Variants in DISC1 observed in about 807,000 individuals in gnomAD.
DISC1 encodes the protein disrupted in schizophrenia 1 protein.
A neutral mutation model predicts 84.5 loss-of-function variants in DISC1; 57 were observed. The observed-to-expected ratio is 0.67, with a 90% CI of 0.55 to 0.84. The LOEUF (loss-of-function observed/expected upper bound fraction) is 0.84, where lower values mean the gene tolerates loss of function less well. Among genes scored for constraint, DISC1 ranks in the 40% least tolerant of loss-of-function variants. DISC1 has a pLI of 0.00. For synonymous variants in DISC1, 411 were observed against 415.2 expected (o/e 0.99, Z 0.12); for missense variants, 1,000 against 1,057.8 (o/e 0.95, Z 0.76).
At chr1:231,886,766 C>CCTTTCTTTCTTTCTTTCTTTCTTT (rs3084378) in intron 9 of DISC1, among the ~76,000 whole-genome samples, 1 of 84,380 alleles carries the variant, frequency 1.2e-5, no homozygotes, top group Non-Finnish European at 2.4e-5. Flanking sequence ...TTCCTTCCTT[C>CCTTTCTTTCTTTCTTTCTTTCTTT]CTTTCTTTCT....
At chr1:231,950,204 C>CTG (rs59801477) in intron 9 of DISC1, among the ~76,000 whole-genome samples, 13,754 of 139,382 alleles carry the variant, frequency 0.099, 659 homozygotes, top group African/African-American at 0.12. Context: ...AAAAAAAATT[C>CTG]TGTGTGTGTG....
chr1:231,823,292 G>A lies in DISC1; in HGVS notation c.1981+4775G>A, dbSNP rs990247047. Among the ~76,000 whole-genome samples the A allele has an allele frequency of 1.3e-5, 2 of 152,116 alleles. 1 individual carries two copies. The highest frequency in any genetic ancestry group is 2.9e-5 in the Non-Finnish European group (2 of 68,032). On this transcript the variant is annotated intron_variant, in intron 9 of 12. Transcript: ENST00000439617. ...ATCTATGGGTCTCTTTTATTGGCAG[G>A]GAGAGGGAGGAAATGGAGAGCCGGG...
intron 10 of DISC1, among the ~76,000 whole-genome samples, chr1:231,994,493 A>G (rs1665636014): frequency 6.6e-6 from 1 of 152,254 alleles, no homozygotes; most frequent in East Asian, 1.9e-4. Flanking sequence ...GAGGATATAG[A>G]TACCAGCTCT....
chr1:231,796,747 G>T (rs1202381074), intron 7 of DISC1, among the ~76,000 whole-genome samples: 5 of 152,088 alleles, frequency 3.3e-5, no homozygotes, highest in Non-Finnish European at 7.4e-5. Context: ...TCACCCAAAG[G>T]TTCTTTCACC....
At chr1:231,728,086 T>C (rs201263216) in intron 3 of DISC1, among the ~76,000 whole-genome samples, 4 of 152,172 alleles carry the variant, frequency 2.6e-5, no homozygotes, top group Non-Finnish European at 5.9e-5. Flanking sequence ...AACTTGATTT[T>C]TTTTTCGTAT....
intron 1 of DISC1, among the ~76,000 whole-genome samples, chr1:231,670,997 G>T (rs889884794): frequency 6.6e-6 from 1 of 152,128 alleles, no homozygotes; most frequent in South Asian, 2.1e-4. Context: ...CATCCAAACT[G>T]TATAGGGAGT....
chr1:231,826,494 T>A lies in DISC1; in HGVS notation c.1981+7977T>A, dbSNP rs16855131. Among the ~76,000 whole-genome samples the A allele has an allele frequency of 6.6e-6, 1 of 152,194 alleles. No individual in the cohort carries two copies. The highest frequency in any genetic ancestry group is 1.5e-5 in the Non-Finnish European group (1 of 68,038). ...TCCCTATATTTTGTGCCTGAGATGA[T>A]GATCCACTATCTGCCATGTTGCTAT... is the stretch of plus-strand genomic sequence containing the variant. On this transcript the variant is annotated intron_variant, in intron 9 of 12. Coordinates refer to ENST00000439617, the MANE Select transcript of DISC1 (RefSeq NM_018662.3). This position sits in a 1 kb window ranked among gnomAD's most constrained non-coding sequence, Gnocchi z 4.2.
At chr1:231,725,591 C>T (rs931517425) in intron 3 of DISC1, among the ~76,000 whole-genome samples, 2 of 152,216 alleles carry the variant, frequency 1.3e-5, no homozygotes, top group African/African-American at 4.8e-5. Context: ...GCATTGCTGC[C>T]TATGAGTTAG....
chr1:231,807,130 G>C (rs951010733), intron 8 of DISC1, among the ~76,000 whole-genome samples: 3 of 152,240 alleles, frequency 2.0e-5, no homozygotes, highest in Admixed American at 6.5e-5. Context: ...CATCCTTCCT[G>C]TGTGTTGGAC....
intron 10 of DISC1, among the ~76,000 whole-genome samples, chr1:231,969,379 G>C (rs974270541): frequency 6.6e-6 from 1 of 151,830 alleles, no homozygotes; most frequent in African/African-American, 2.4e-5. Context: ...TCTCAGAATG[G>C]ATCTGGCTTG....
At position 231,861,969 on chromosome 1, in the gene DISC1, G is replaced by A. The variant is rs561149529; in HGVS notation, c.1981+43452G>A. On this transcript the variant is annotated intron_variant, in intron 9 of 12. Coordinates refer to ENST00000439617, the MANE Select transcript of DISC1 (RefSeq NM_018662.3). ...GGAAAAAAAAGTCCTGATTGGCAAC[G>A]TCTGGCCATTTCCATAGTGTAAATC... Among the ~76,000 whole-genome samples the A allele has an allele frequency of 5.3e-5, 8 of 152,236 alleles. No homozygotes were observed. In the South Asian group the frequency reaches 1.0e-3, roughly 20 times the overall value.
intron 9 of DISC1, among the ~76,000 whole-genome samples, chr1:231,908,289 T>A (rs1410660857): frequency 6.6e-6 from 1 of 152,334 alleles, no homozygotes; most frequent in Non-Finnish European, 1.5e-5. Flanking sequence ...GGTTTTCTTC[T>A]AGGGTTTTTA....
chr1:231,916,895 C>A (rs2126069076), intron 9 of DISC1, among the ~76,000 whole-genome samples: 1 of 152,264 alleles, frequency 6.6e-6, no homozygotes, highest in Middle Eastern at 3.4e-3. Flanking sequence ...ACCTAGAAAC[C>A]TTCCCTGCTG....
intron 6 of DISC1, among the ~76,000 whole-genome samples, chr1:231,778,347 A>G (rs1415784896): frequency 2.6e-5 from 4 of 152,218 alleles, no homozygotes; most frequent in African/African-American, 9.6e-5. Flanking sequence ...CTGGTTCTAC[A>G]ATACTTTGCA....
intron 4 of DISC1, among the ~76,000 whole-genome samples, chr1:231,765,071 TC>T (rs2076060722): frequency 1.3e-5 from 2 of 151,818 alleles, no homozygotes; most frequent in East Asian, 3.9e-4. Flanking sequence ...GTGCCTGTAG[TC>T]CCAGCTACAT....
intron 3 of DISC1, among the ~76,000 whole-genome samples, chr1:231,713,843 T>TATATATATAGGAGAGATATATATAGGAG (rs2068293223): frequency 7.9e-6 from 1 of 126,856 alleles, no homozygotes; most frequent in African/African-American, 3.1e-5. Flanking sequence ...ATATAGGAGA[T>TATATATATAGGAGAGATATATATAGGAG]ATATATATAT....
intron 8 of DISC1, among the ~76,000 whole-genome samples, chr1:231,810,428 C>T (rs2080184802): frequency 6.6e-6 from 1 of 152,166 alleles, no homozygotes; most frequent in Admixed American, 6.5e-5. Flanking sequence ...AGATCAGTGG[C>T]TGCAGGAGGG....
chr1:231,708,964 A>G (rs2067451199), intron 3 of DISC1, among the ~76,000 whole-genome samples: 1 of 152,250 alleles, frequency 6.6e-6, no homozygotes, highest in African/African-American at 2.4e-5. Flanking sequence ...CATTGTTCTC[A>G]GAAGAGCATA....
At chr1:231,899,305 T>G (rs1346165600) in intron 9 of DISC1, among the ~76,000 whole-genome samples, 1 of 152,142 alleles carries the variant, frequency 6.6e-6, no homozygotes, top group African/African-American at 2.4e-5. Flanking sequence ...TTCAGTAGTC[T>G]CAGGTAAGGC....
Sources: allele counts gnomAD v4.1 joint callset (sites outside exome capture counted in the v4.1 genomes callset), GRCh38; gene constraint gnomAD v4.1.1; non-coding constraint Gnocchi (gnomAD v3.1); transcripts MANE v1.5; gene names NCBI Gene and HGNC (gene_info 2026-07-23, HGNC 2026-07-21).